The following RFX3 variants were observed in gnomAD, a reference collection of about 807,000 sequenced individuals.
The protein encoded by RFX3 is regulatory factor X3.
Under a neutral mutation model 98.6 loss-of-function variants are expected in RFX3, and 14 were observed. The observed-to-expected ratio is 0.14, with a 90% CI of 0.09 to 0.22. The LOEUF is 0.22. Ranked by LOEUF, RFX3 falls within the 10% of genes least tolerant of loss-of-function variation. The pLI, the probability that RFX3 is intolerant of heterozygous loss-of-function variation, is 1.00. For synonymous variants in RFX3, 383 were observed against 328.4 expected (o/e 1.17, Z -1.80); for missense variants, 639 against 926.9 (o/e 0.69, Z 4.03).
At chr9:3,389,488 A>G (rs865961670) in intron 2 of RFX3, among the ~76,000 whole-genome samples, 28 of 152,272 alleles carry the variant, frequency 1.8e-4, no homozygotes, top group Middle Eastern at 6.8e-3. Flanking sequence ...AACAATGTCT[A>G]TATTTGGAAA....
intron 1 of RFX3, among the ~76,000 whole-genome samples, chr9:3,515,761 G>A (rs936252577): frequency 1.3e-5 from 2 of 152,108 alleles, no homozygotes; most frequent in African/African-American, 2.4e-5. Context: ...AAAGATGAAA[G>A]TTATACTGAA....
Position 3,219,009 on chromosome 9 carries a change from A to C in RFX3, c.*6033T>G, listed in dbSNP as rs1443856838. 1 of 152,170 alleles carries C rather than the reference A, an allele frequency of 6.6e-6. No homozygotes were observed. The highest frequency in any genetic ancestry group is 1.5e-5 in the Non-Finnish European group (1 of 68,010). 9.4% of individuals were successfully genotyped at this position (152,170 alleles called of 1,614,324 possible). ...GAAGTTACTGATTGGTAAGCACTAC[A>C]ATTAACCTAATTAAAAGTTTACCAC... On this transcript the variant is annotated 3_prime_UTR_variant, in exon 17 of 17. Coordinates refer to ENST00000617270, the MANE Select transcript of RFX3 (RefSeq NM_001282116.2).
At chr9:3,310,142 T>G (rs1008293405) in intron 4 of RFX3, among the ~76,000 whole-genome samples, 3 of 152,160 alleles carry the variant, frequency 2.0e-5, no homozygotes, top group Non-Finnish European at 2.9e-5. Context: ...TTAGGGGCAG[T>G]TGATAATGCC....
At chr9:3,273,733 T>C (rs1394584850) in intron 9 of RFX3, among the ~76,000 whole-genome samples, 4 of 151,710 alleles carry the variant, frequency 2.6e-5, no homozygotes, top group African/African-American at 2.4e-5. Context: ...GGCGTGGTGG[T>C]GCATGCCTGT....
intron 14 of RFX3, among the ~76,000 whole-genome samples, chr9:3,252,132 C>G (rs990162687): frequency 2.0e-5 from 3 of 152,166 alleles, no homozygotes; most frequent in African/African-American, 7.2e-5. Flanking sequence ...ACCCTGAAAT[C>G]ATGTGAACAA....
chr9:3,300,479 T>G (rs1277332096), intron 5 of RFX3, among the ~76,000 whole-genome samples: 1 of 151,754 alleles, frequency 6.6e-6, no homozygotes, highest in Non-Finnish European at 1.5e-5. Context: ...TTAAAATTTT[T>G]CAAAGATCAA....
intron 12 of RFX3, 57 bp from the exon 13 acceptor site, chr9:3,263,141 G>T (rs970200303): frequency 7.7e-6 from 12 of 1,563,426 alleles, no homozygotes; most frequent in Admixed American, 5.4e-5. Flanking sequence ...AGAAACCACT[G>T]CAATTTTCAA....
chr9:3,525,710 C>T (rs1275620905), intron 1 of RFX3, 37 bp downstream of exon 1: 2 of 183,156 alleles, frequency 1.1e-5, no homozygotes, highest in Non-Finnish European at 2.1e-5. Flanking sequence ...CGCAGCCACA[C>T]GCTCCCACAC....
At chr9:3,421,325 T>C (rs1483359526) in intron 1 of RFX3, among the ~76,000 whole-genome samples, 1 of 152,202 alleles carries the variant, frequency 6.6e-6, no homozygotes, top group Non-Finnish European at 1.5e-5. Flanking sequence ...CCCCTATTGA[T>C]TAAATGCAAC....
At position 3,460,176 on chromosome 9, in the gene RFX3, G is replaced by A. The variant is rs115507324; in HGVS notation, c.-8-64580C>T. 1.4e-3 allele frequency among the ~76,000 whole-genome samples: 213 copies of A among 152,088 alleles called. 2 individuals carry two copies. The highest frequency in any genetic ancestry group is 4.9e-3 in the African/African-American group (203 of 41,540). On this transcript the variant is annotated intron_variant, in intron 1 of 16. Transcript: ENST00000617270. ...ACAAATTCATCAGCTTTATTGTAGG[G>A]AATGTGACAAATTGGATGATGGAAG...
chr9:3,251,333 C>T (rs1362843638), intron 14 of RFX3, among the ~76,000 whole-genome samples: 2 of 151,940 alleles, frequency 1.3e-5, no homozygotes, highest in East Asian at 1.9e-4. Context: ...CCTAGATTAT[C>T]TTTTTAAAAA....
At chr9:3,333,435 G>GTT (rs774597966) in intron 3 of RFX3, among the ~76,000 whole-genome samples, 103 of 109,428 alleles carry the variant, frequency 9.4e-4, no homozygotes, top group African/African-American at 2.8e-3. Context: ...CATAGAAAAT[G>GTT]TTTTTTTTTT....
At chr9:3,443,516 C>T (rs976990171) in intron 1 of RFX3, among the ~76,000 whole-genome samples, 1 of 152,148 alleles carries the variant, frequency 6.6e-6, no homozygotes, top group Admixed American at 6.6e-5. Context: ...CCATTCATGT[C>T]CCTGTAAAGG....
At chr9:3,453,061 T>C (rs116870557) in intron 1 of RFX3, among the ~76,000 whole-genome samples, 22 of 152,254 alleles carry the variant, frequency 1.4e-4, no homozygotes, top group Non-Finnish European at 2.8e-4. Context: ...AAAACTGGAA[T>C]AACAGTACGC....
intron 1 of RFX3, among the ~76,000 whole-genome samples, chr9:3,496,761 C>A (rs986783765): frequency 6.6e-6 from 1 of 151,934 alleles, no homozygotes; most frequent in African/African-American, 2.4e-5. Context: ...TCTGGTTTCC[C>A]TTATTCAAAA....
chr9:3,277,306 A>G lies in RFX3; in HGVS notation c.973+34T>C, dbSNP rs1825357436. 14 of 1,602,914 alleles carry G rather than the reference A, an allele frequency of 8.7e-6. No individual in the cohort carries two copies. The East Asian group carries it at 3.1e-4, about 36-fold the overall frequency. On this transcript the variant is annotated intron_variant, in intron 8 of 16. Coordinates refer to ENST00000617270, the MANE Select transcript of RFX3 (RefSeq NM_001282116.2). The stretch of plus-strand genomic sequence containing the variant: ...GAAAAGACTAACTTTTCAAAATCCT[A>G]GTAGCAACTAATATGCATTACACCT...
intron 14 of RFX3, among the ~76,000 whole-genome samples, chr9:3,249,220 G>T (rs1821069723): frequency 6.6e-6 from 1 of 152,074 alleles, no homozygotes; most frequent in Non-Finnish European, 1.5e-5. Flanking sequence ...ACAAAAGACT[G>T]TACTTTTGTT....
intron 1 of RFX3, among the ~76,000 whole-genome samples, chr9:3,478,905 T>A (rs1849500855): frequency 6.6e-6 from 1 of 152,162 alleles, no homozygotes; most frequent in Non-Finnish European, 1.5e-5. Context: ...GGGGGTAAGC[T>A]TTTTCTTCCC....
chr9:3,330,149 C>G, intron 4 of RFX3, 110 bp downstream of exon 4: 1 of 1,120,422 alleles, frequency 8.9e-7, no homozygotes, highest in Admixed American at 2.3e-5. Context: ...AACTATCCAA[C>G]ACATTCTTGC....
Sources: gnomAD v4.1 joint callset for allele counts (sites outside exome capture counted in the v4.1 genomes callset) on GRCh38, gnomAD v4.1.1 for gene constraint, MANE v1.5 for transcripts, NCBI Gene and HGNC (gene_info 2026-07-23, HGNC 2026-07-21) for gene names.